The following RASL12 variants were observed in gnomAD, a reference collection of about 807,000 sequenced individuals.
The protein encoded by RASL12 is RAS like family 12.
A neutral mutation model predicts 22.9 loss-of-function variants in RASL12; 16 were observed. That is an observed-to-expected ratio of 0.70 (90% CI 0.47 to 1.06). The LOEUF (loss-of-function observed/expected upper bound fraction) is 1.06. Among genes scored for constraint, RASL12 ranks in the 50% least tolerant of loss-of-function variants. The probability of loss-of-function intolerance (pLI) is 0.00; values close to 1 mark genes in which losing one functional copy is unlikely to be tolerated. For missense variants in RASL12, 306 were observed against 353.1 expected, an observed-to-expected ratio of 0.87 and a Z score of 1.07; for synonymous variants, 159 against 152.2, an observed-to-expected ratio of 1.04 and a Z score of -0.33.
intron 1 of RASL12, among the ~76,000 whole-genome samples, chr15:65,075,746 C>T (rs559539515): frequency 6.3e-5 from 9 of 143,698 alleles, no homozygotes; most frequent in Middle Eastern, 3.8e-3. Flanking sequence ...GTAAACACAC[C>T]AATCAGCACC....
upstream of RASL12, among the ~76,000 whole-genome samples, chr15:65,072,774 G>A (rs2086940550): frequency 6.6e-6 from 1 of 152,128 alleles, no homozygotes; most frequent in Admixed American, 6.6e-5. Flanking sequence ...CCTCCACTGT[G>A]AGAGGATTGA....
In RASL12 at chr15:65,054,765, G is replaced by A; in HGVS notation, c.*134C>T. The A allele has an allele frequency of 1.3e-6, 2 of 1,484,460 alleles. No individual in the cohort carries two copies. The highest frequency in any genetic ancestry group is 1.8e-6 in the Non-Finnish European group (2 of 1,124,414). The allele number at this position is 1,484,460 out of a possible 1,614,324, so 92.0% of individuals were successfully genotyped here. On this transcript the variant is annotated 3_prime_UTR_variant, in exon 5 of 5. Transcript: ENST00000220062. The stretch of plus-strand genomic sequence containing the variant: ...CACTCCAGCTCACACAGTGAATTGA[G>A]TGTAGGGACACTGCTTGGTGCTGGA...
chr15:65,061,182 G>C (rs559862599), intron 2 of RASL12, among the ~76,000 whole-genome samples: 2 of 129,044 alleles, frequency 1.5e-5, no homozygotes, highest in African/African-American at 5.2e-5. Flanking sequence ...CTCCATTGTA[G>C]AGAGATGGCA....
rs762672948 is a variant in RASL12, at chr15:65,065,231, T to C, written c.146A>G (p.Tyr49Cys). ...KFLTKRFISE[Y>C]DPNLEDTYSS... Reference sequence around the variant, plus strand: ...TAGTTTCTTACCCAAGTTGGGGTCATATTCACTGATAAACCTCTTGGTCAG... The same window carrying C: ...TAGTTTCTTACCCAAGTTGGGGTCACATTCACTGATAAACCTCTTGGTCAG... Residue 49 changes from tyrosine (Y) to cysteine (C), a missense_variant, in exon 2 of 5, where the codon TAT becomes TGT. Transcript: ENST00000220062. 9.9e-6 allele frequency: 16 copies of C among 1,612,608 alleles called. No individual in the cohort carries two copies.
chr15:65,070,520 C>G (rs961895550), upstream of RASL12, among the ~76,000 whole-genome samples: 9 of 152,214 alleles, frequency 5.9e-5, no homozygotes, highest in African/African-American at 1.7e-4. Flanking sequence ...CTACCCCCAA[C>G]CCTCATCAAG....
intron 1 of RASL12, among the ~76,000 whole-genome samples, chr15:65,066,071 A>T (rs974220641): frequency 6.0e-4 from 89 of 147,322 alleles, no homozygotes; most frequent in African/African-American, 2.2e-3. Context: ...AAGAGTAGAG[A>T]AGAGAGAGAA....
At chr15:65,075,358 C>A (rs555982365) in intron 1 of RASL12, among the ~76,000 whole-genome samples, 3 of 152,352 alleles carry the variant, frequency 2.0e-5, no homozygotes, top group African/African-American at 4.8e-5. Context: ...AGCACTACCC[C>A]CTGCTCCACG....
At chr15:65,069,365 A>G (rs2086915498), upstream of RASL12, among the ~76,000 whole-genome samples, 1 of 152,206 alleles carries the variant, frequency 6.6e-6, no homozygotes, top group African/African-American at 2.4e-5. Context: ...AGGAGTTGAG[A>G]AAGTGGGAGC....
intron 4 of RASL12, among the ~76,000 whole-genome samples, chr15:65,057,865 G>A (rs539000160): frequency 3.3e-5 from 5 of 152,252 alleles, no homozygotes; most frequent in Admixed American, 1.3e-4. Context: ...CCAAGAGCGC[G>A]GAAGGAGTGG....
At chr15:65,056,586 C>A (rs1178970250) in intron 4 of RASL12, among the ~76,000 whole-genome samples, 1 of 152,132 alleles carries the variant, frequency 6.6e-6, no homozygotes, top group African/African-American at 2.4e-5. Flanking sequence ...CCCATGTGTG[C>A]GTGCATGTGT....
downstream of RASL12, chr15:65,049,925 C>A: frequency 9.0e-7 from 1 of 1,109,480 alleles, no homozygotes; most frequent in Admixed American, 2.4e-5. Flanking sequence ...TGCCCAGGGG[C>A]CAGAACCGAG....
At chr15:65,068,925 A>T (rs1221907246), upstream of RASL12, among the ~76,000 whole-genome samples, 1 of 152,232 alleles carries the variant, frequency 6.6e-6, no homozygotes, top group East Asian at 1.9e-4. The surrounding 1 kb of genome is among the most constrained non-coding windows in gnomAD (Gnocchi z 4.2). Flanking sequence ...CAAAATAGAG[A>T]GTGACAGAAT....
intron 2 of RASL12, among the ~76,000 whole-genome samples, chr15:65,061,713 G>A (rs2086806882): frequency 6.6e-6 from 1 of 152,164 alleles, no homozygotes. Flanking sequence ...TGGCACCACA[G>A]AAGCTCACGT....
chr15:65,063,739 A>G (rs2086841399), intron 2 of RASL12, among the ~76,000 whole-genome samples: 1 of 152,214 alleles, frequency 6.6e-6, no homozygotes, highest in Non-Finnish European at 1.5e-5. Context: ...CTGCTACCTA[A>G]GGAAAAGCTT....
intron 1 of RASL12, among the ~76,000 whole-genome samples, chr15:65,073,037 C>T (rs1312276355): frequency 1.3e-5 from 2 of 151,778 alleles, no homozygotes; most frequent in African/African-American, 2.4e-5. Flanking sequence ...AGTGAGACTC[C>T]GTCTCAAAAA....
upstream of RASL12, chr15:65,068,424 A>C: frequency 4.2e-5 from 15 of 361,234 alleles, no homozygotes; most frequent in Non-Finnish European, 5.8e-5. The surrounding 1 kb of genome is among the most constrained non-coding windows in gnomAD (Gnocchi z 4.2). Flanking sequence ...TATATCCCCA[A>C]TCACATTATT....
intron 1 of RASL12, among the ~76,000 whole-genome samples, chr15:65,066,013 GAAA>G (rs2086872448): frequency 1.6e-5 from 1 of 62,248 alleles, no homozygotes; most frequent in Non-Finnish European, 4.7e-5. Context: ...TGGAAAGAAA[GAAA>G]AGAAAAGAGA....
chr15:65,051,718 G>C, downstream of RASL12: 2 of 917,978 alleles, frequency 2.2e-6, no homozygotes, highest in South Asian at 3.0e-5. Flanking sequence ...CCACCCTTTG[G>C]GACAGCAAAA....
At chr15:65,052,889 C>G, downstream of RASL12, 2 of 1,412,314 alleles carry the variant, frequency 1.4e-6, no homozygotes, top group South Asian at 1.2e-5. Context: ...CCCTTAGACT[C>G]TTTAAGCCAT....
Sources: gnomAD v4.1 joint callset for allele counts (sites outside exome capture counted in the v4.1 genomes callset) on GRCh38, gnomAD v4.1.1 for gene constraint, Gnocchi (gnomAD v3.1) non-coding constraint, MANE v1.5 for transcripts, NCBI Gene and HGNC (gene_info 2026-07-23, HGNC 2026-07-21) for gene names.